The following CACHD1 variants were observed in gnomAD, a reference collection of about 807,000 sequenced individuals.
The protein encoded by CACHD1 is cache domain containing 1, also known as VWFA and cache domain-containing protein 1.
In CACHD1, 71 loss-of-function variants were observed where a neutral mutation model predicts 138.7. The ratio of observed to expected loss-of-function variants is 0.51; its 90% CI spans 0.42 to 0.62. The LOEUF (loss-of-function observed/expected upper bound fraction) is 0.62, where lower values mean the gene tolerates loss of function less well. Ranked by LOEUF, CACHD1 falls within the 20% of genes least tolerant of loss-of-function variation. The pLI, the probability that CACHD1 is intolerant of heterozygous loss-of-function variation, is 0.00. For missense variants in CACHD1, 1,389 were observed against 1,625.3 expected (o/e 0.85, Z 2.50); for synonymous variants, 578 against 591.5 (o/e 0.98, Z 0.33).
intron 4 of CACHD1, among the ~76,000 whole-genome samples, chr1:64,620,838 A>G (rs971504143): frequency 5.9e-5 from 9 of 152,166 alleles, no homozygotes; most frequent in African/African-American, 2.2e-4. Context: ...CTTTACAAAG[A>G]TTCTGTCTTC....
At chr1:64,621,257 T>C (rs971250146) in intron 4 of CACHD1, among the ~76,000 whole-genome samples, 18 of 152,172 alleles carry the variant, frequency 1.2e-4, no homozygotes, top group Admixed American at 6.5e-4. Flanking sequence ...TTCCATATGT[T>C]CGTCTAAATA....
intron 2 of CACHD1, among the ~76,000 whole-genome samples, chr1:64,562,495 C>T (rs1387911522): frequency 6.0e-5 from 9 of 150,140 alleles, no homozygotes; most frequent in African/African-American, 2.0e-4. Context: ...CTGCAACCTC[C>T]GCCTCCCAGG....
intron 1 of CACHD1, among the ~76,000 whole-genome samples, chr1:64,474,710 T>C (rs779322048): frequency 1.3e-4 from 20 of 152,280 alleles, no homozygotes; most frequent in Non-Finnish European, 2.4e-4. Flanking sequence ...GCCTGCTTGT[T>C]AGAAGGCATA....
At chr1:64,575,270 G>A (rs765948589) in intron 2 of CACHD1, among the ~76,000 whole-genome samples, 8 of 152,176 alleles carry the variant, frequency 5.3e-5, no homozygotes, top group African/African-American at 1.2e-4. Flanking sequence ...GCTAATAAGC[G>A]AGAGAGCTCT....
At chr1:64,618,859 G>A (rs569545435) in intron 4 of CACHD1, among the ~76,000 whole-genome samples, 31 of 152,216 alleles carry the variant, frequency 2.0e-4, no homozygotes, top group Non-Finnish European at 3.4e-4. Flanking sequence ...TGGCAAGCGC[G>A]GGAGGTGGAC....
At chr1:64,504,242 T>A (rs1212079401) in intron 1 of CACHD1, among the ~76,000 whole-genome samples, 1 of 152,188 alleles carries the variant, frequency 6.6e-6, no homozygotes, top group African/African-American at 2.4e-5. Context: ...TTGCCCAAGA[T>A]GATCTCAAAC....
chr1:64,675,856 C>A (rs1175379102), intron 20 of CACHD1, 41 bp from the exon 21 acceptor site: 5 of 1,265,746 alleles, frequency 4.0e-6, no homozygotes, highest in Non-Finnish European at 5.5e-6. Context: ...TTACAGTTTG[C>A]CATTGACCTT....
chr1:64,575,179 A>G (rs1471649434), intron 2 of CACHD1, among the ~76,000 whole-genome samples: 1 of 152,212 alleles, frequency 6.6e-6, no homozygotes, highest in East Asian at 1.9e-4. Context: ...CATCACAATA[A>G]GTCCTTTAAG....
chr1:64,651,974 A>G (rs1649110997), intron 9 of CACHD1, among the ~76,000 whole-genome samples, 187 bp from the exon 10 acceptor site: 1 of 152,030 alleles, frequency 6.6e-6, no homozygotes, highest in Non-Finnish European at 1.5e-5. Flanking sequence ...TTTCCCTCCC[A>G]CTCTAACTCA....
chr1:64,565,706 T>C (rs1169948760), intron 2 of CACHD1, among the ~76,000 whole-genome samples: 2 of 152,168 alleles, frequency 1.3e-5, no homozygotes, highest in Non-Finnish European at 2.9e-5. Context: ...TTATGTTTCT[T>C]TATCAGTTTT....
intron 9 of CACHD1, among the ~76,000 whole-genome samples, chr1:64,651,354 T>G (rs1015486314): frequency 1.2e-4 from 19 of 152,128 alleles, no homozygotes; most frequent in African/African-American, 3.4e-4. Flanking sequence ...TTTCTAAATT[T>G]TTTCCCCTTG....
intron 1 of CACHD1, among the ~76,000 whole-genome samples, chr1:64,497,260 C>T (rs963408416): frequency 6.6e-6 from 1 of 152,130 alleles, no homozygotes; most frequent in Non-Finnish European, 1.5e-5. Flanking sequence ...TCCAGTCACT[C>T]GGCTAACATT....
At chr1:64,554,643 A>G (rs904510595) in intron 2 of CACHD1, among the ~76,000 whole-genome samples, 7 of 152,230 alleles carry the variant, frequency 4.6e-5, no homozygotes, top group Non-Finnish European at 1.0e-4. Context: ...CTTATAGTAA[A>G]TTTTTGTGGT....
At position 64,534,612 on chromosome 1, in the gene CACHD1, C is replaced by T. The variant is rs569870643; in HGVS notation, c.199-15982C>T. Among the ~76,000 whole-genome samples, 19 of 152,334 alleles carry T rather than the reference C, an allele frequency of 1.2e-4. No homozygotes were observed. In the South Asian group the frequency reaches 3.9e-3, roughly 32 times the overall value. ...CTTGCCACTACGTATCCTGCAGTAT[C>T]TGCTTGCACTTGCCTCTTCTCCCTT... On this transcript the variant is annotated intron_variant, in intron 1 of 26. Coordinates refer to ENST00000651257, the MANE Select transcript of CACHD1 (RefSeq NM_020925.4).
chr1:64,597,518 TTTG>T (rs1647163876), intron 3 of CACHD1, among the ~76,000 whole-genome samples: 4 of 131,386 alleles, frequency 3.0e-5, no homozygotes, highest in African/African-American at 1.1e-4. Flanking sequence ...AAGTTTTTTT[TTTG>T]TTGTTTTTTT....
chr1:64,471,053 T>A, intron 1 of CACHD1, 111 bp downstream of exon 1: 3 of 1,097,298 alleles, frequency 2.7e-6, no homozygotes, highest in Non-Finnish European at 3.8e-6. Flanking sequence ...CTTGCATACA[T>A]AGAGCCCGGC....
intron 10 of CACHD1, among the ~76,000 whole-genome samples, 158 bp from the exon 11 acceptor site, chr1:64,653,600 C>T (rs1649171817): frequency 6.6e-6 from 1 of 152,092 alleles, no homozygotes. Flanking sequence ...TATGTAAGCA[C>T]ATATAAAACA....
At chr1:64,526,675 C>T (rs954508204) in intron 1 of CACHD1, among the ~76,000 whole-genome samples, 1 of 152,222 alleles carries the variant, frequency 6.6e-6, no homozygotes, top group African/African-American at 2.4e-5. Context: ...ACGCAGAAAA[C>T]TCTGCAGATT....
chr1:64,550,694 T>C, intron 2 of CACHD1, 38 bp downstream of exon 2: 1 of 1,428,940 alleles, frequency 7.0e-7, no homozygotes, highest in Non-Finnish European at 9.8e-7. Flanking sequence ...CCTGTCTTTG[T>C]CTTGCTTTTA....
Sources: allele counts gnomAD v4.1 joint callset (sites outside exome capture counted in the v4.1 genomes callset), GRCh38; gene constraint gnomAD v4.1.1; transcripts MANE v1.5; gene names NCBI Gene and HGNC (gene_info 2026-07-23, HGNC 2026-07-21).